CDH8: variants seen among roughly 807,000 people sequenced by gnomAD.
CDH8 encodes cadherin-8.
A neutral mutation model predicts 68.1 loss-of-function variants in CDH8; 17 were observed. The observed-to-expected ratio is 0.25, with a 90% CI of 0.17 to 0.37. CDH8 has a LOEUF of 0.37. Ranked by LOEUF, CDH8 falls within the 10% of genes least tolerant of loss-of-function variation. The pLI, the probability that CDH8 is intolerant of heterozygous loss-of-function variation, is 1.00. For synonymous variants in CDH8, 372 were observed against 365.1 expected (o/e 1.02, Z -0.21); for missense variants, 763 against 999.3 (o/e 0.76, Z 3.19).
At chr16:61,937,800 A>C (rs1009200288) in intron 2 of CDH8, 1 of 152,172 alleles carries the variant, frequency 6.6e-6, no homozygotes, top group Non-Finnish European at 1.5e-5. Context: ...TTCTCTGGGC[A>C]GTAACTGAAC....
chr16:62,028,133 C>A (rs557467360), intron 1 of CDH8, among the ~76,000 whole-genome samples: 1 of 144,942 alleles, frequency 6.9e-6, no homozygotes, highest in Non-Finnish European at 1.5e-5. Context: ...GGCACGATCT[C>A]GGCTCACTGC....
Position 62,021,592 on chromosome 16 carries a change from A to G in CDH8, c.-189T>C, listed in dbSNP as rs1206499823. On this transcript the variant is annotated 5_prime_UTR_variant, in exon 2 of 12. An upstream start codon of the reference 5' UTR is lost. Coordinates refer to ENST00000577390, the MANE Select transcript of CDH8 (RefSeq NM_001796.5). ...CCACAATCCATTGGCTTTTCTTTTC[A>G]TTGAAATTTCCTGCAAAAACAAGGA... The G allele has an allele frequency of 6.7e-6, 9 of 1,336,558 alleles. No individual in the cohort carries two copies. The highest frequency in any genetic ancestry group is 5.4e-5 in the East Asian group (2 of 36,724). 82.8% of individuals were successfully genotyped at this position (1,336,558 alleles called of 1,614,324 possible). A position where few individuals can be genotyped will look rare whatever the true frequency, so the allele number is the denominator to read the frequency against.
At chr16:61,901,543 T>C (rs1017632763) in intron 2 of CDH8, 70 bp from the exon 3 acceptor site, 23 of 1,100,202 alleles carry the variant, frequency 2.1e-5, no homozygotes, top group African/African-American at 1.6e-4. Flanking sequence ...TACCTCCTTT[T>C]TGAATATTAA....
intron 3 of CDH8, among the ~76,000 whole-genome samples, chr16:61,879,463 T>C (rs981413129): frequency 1.3e-5 from 2 of 152,172 alleles, no homozygotes; most frequent in African/African-American, 4.8e-5. Context: ...GCAATGCAGA[T>C]CCGGTTGACA....
At chr16:61,921,303 G>A (rs901035934) in intron 2 of CDH8, among the ~76,000 whole-genome samples, 1 of 150,662 alleles carries the variant, frequency 6.6e-6, no homozygotes, top group African/African-American at 2.4e-5. Flanking sequence ...TAGCCTGATT[G>A]TTTCATTTGT....
At chr16:61,900,364 T>C (rs1166215954) in intron 3 of CDH8, among the ~76,000 whole-genome samples, 1 of 152,200 alleles carries the variant, frequency 6.6e-6, no homozygotes, top group East Asian at 1.9e-4. Flanking sequence ...ACTACACATT[T>C]TAAAAAATGG....
chr16:61,923,479 C>T (rs189115644), intron 2 of CDH8, among the ~76,000 whole-genome samples: 184 of 152,152 alleles, frequency 1.2e-3, no homozygotes, highest in Non-Finnish European at 2.0e-3. Flanking sequence ...CATCACAAAA[C>T]ATGGGTCTGA....
intron 7 of CDH8, among the ~76,000 whole-genome samples, chr16:61,801,157 T>C (rs1195560172): frequency 6.6e-6 from 1 of 152,202 alleles, no homozygotes; most frequent in Non-Finnish European, 1.5e-5. Flanking sequence ...TTTTTTTGTT[T>C]CTCTCTCAAG....
chr16:61,782,231 C>T (rs374647877), intron 8 of CDH8, among the ~76,000 whole-genome samples: 23 of 152,012 alleles, frequency 1.5e-4, no homozygotes, highest in East Asian at 9.7e-4. Context: ...AGTGGGTGCG[C>T]GCACCGTCCG....
intron 3 of CDH8, among the ~76,000 whole-genome samples, chr16:61,897,492 T>A (rs949318733): frequency 1.3e-5 from 2 of 152,198 alleles, no homozygotes; most frequent in African/African-American, 4.8e-5. Context: ...CCTTTTCTTA[T>A]CTGAAAATGG....
At chr16:61,718,048 CCA>C (rs1964764683) in intron 9 of CDH8, among the ~76,000 whole-genome samples, 1 of 151,008 alleles carries the variant, frequency 6.6e-6, no homozygotes, top group South Asian at 2.1e-4. Flanking sequence ...ATGTCTGATC[CCA>C]GATAAGCCTA....
At chr16:61,844,234 C>G (rs1249405640) in intron 4 of CDH8, among the ~76,000 whole-genome samples, 1 of 132,190 alleles carries the variant, frequency 7.6e-6, no homozygotes, top group Non-Finnish European at 1.5e-5. Flanking sequence ...AGTGAGAACA[C>G]ATGGACACAG....
At chr16:61,967,832 G>A (rs1456330385) in intron 2 of CDH8, among the ~76,000 whole-genome samples, 2 of 152,128 alleles carry the variant, frequency 1.3e-5, no homozygotes, top group African/African-American at 4.8e-5. Flanking sequence ...GTTTGAGACG[G>A]AGTTTCGCTC....
intron 2 of CDH8, among the ~76,000 whole-genome samples, chr16:61,973,203 T>C (rs968492653): frequency 6.6e-6 from 1 of 152,222 alleles, no homozygotes; most frequent in Non-Finnish European, 1.5e-5. Context: ...TTCCTCCTCA[T>C]TCTCAGCCTT....
At chr16:61,660,115 T>C (rs1257501760) in intron 10 of CDH8, among the ~76,000 whole-genome samples, 1 of 152,102 alleles carries the variant, frequency 6.6e-6, no homozygotes, top group African/African-American at 2.4e-5. Flanking sequence ...GAGGGGGAAA[T>C]AGACTTCACT....
At chr16:61,895,857 A>T (rs1963860458) in intron 3 of CDH8, among the ~76,000 whole-genome samples, 1 of 152,166 alleles carries the variant, frequency 6.6e-6, no homozygotes, top group Admixed American at 6.5e-5. Context: ...AAATATAATT[A>T]TTGAATTCCT....
chr16:61,653,432 T>C lies in CDH8; in HGVS notation c.*176A>G. 35 of 1,411,604 alleles carry C rather than the reference T, an allele frequency of 2.5e-5. No individual in the cohort carries two copies. Among genetic ancestry groups the C allele is most frequent in the Non-Finnish European group, 3.1e-5 (34 of 1,084,920 alleles). 87.4% of individuals were successfully genotyped at this position (1,411,604 alleles called of 1,614,324 possible). On this transcript the variant is annotated 3_prime_UTR_variant, in exon 12 of 12. Transcript: ENST00000577390. ...CCACAAGATTTATAACCTCCTAACA[T>C]ATACTTTTTTATTTTATTATCTTTT...
At chr16:61,748,829 A>C (rs1443844180) in intron 8 of CDH8, among the ~76,000 whole-genome samples, 1 of 152,066 alleles carries the variant, frequency 6.6e-6, no homozygotes, top group African/African-American at 2.4e-5. Context: ...TTCTTTGTGA[A>C]TGCAGGGAAA....
intron 3 of CDH8, among the ~76,000 whole-genome samples, chr16:61,889,662 T>C (rs1355841365): frequency 6.6e-6 from 1 of 152,200 alleles, no homozygotes; most frequent in East Asian, 1.9e-4. Flanking sequence ...CCCCTTTTAA[T>C]ATATGCTTTC....
Sources: gnomAD v4.1 joint callset for allele counts (sites outside exome capture counted in the v4.1 genomes callset) on GRCh38, gnomAD v4.1.1 for gene constraint, MANE v1.5 for transcripts, NCBI Gene and HGNC (gene_info 2026-07-23, HGNC 2026-07-21) for gene names.